The following PLIN3 variants were observed in gnomAD, a reference collection of about 807,000 sequenced individuals.
PLIN3 encodes the protein perilipin-3.
A neutral mutation model predicts 35.9 loss-of-function variants in PLIN3; 30 were observed. That is an observed-to-expected ratio of 0.84 (90% CI 0.62 to 1.13). The LOEUF (loss-of-function observed/expected upper bound fraction) is 1.13. PLIN3 is among the 50% of genes most tolerant of loss of function. The pLI, the probability that PLIN3 is intolerant of heterozygous loss-of-function variation, is 0.00. For synonymous variants in PLIN3, 261 were observed against 262.5 expected (o/e 0.99, Z 0.06); for missense variants, 603 against 596.9 (o/e 1.01, Z -0.11).
chr19:4,865,438 G>A (rs2030815173), intron 1 of PLIN3, among the ~76,000 whole-genome samples: 1 of 149,132 alleles, frequency 6.7e-6, no homozygotes, highest in Non-Finnish European at 1.5e-5. Flanking sequence ...GCAGTGAGTC[G>A]AGATCGCACC....
intron 1 of PLIN3, among the ~76,000 whole-genome samples, chr19:4,861,651 C>A (rs1351381420): frequency 6.7e-6 from 1 of 149,256 alleles, no homozygotes; most frequent in East Asian, 2.0e-4. Flanking sequence ...TCTTTATTTT[C>A]TTTGGAGACA....
At chr19:4,841,590 C>G (rs1599156360) in intron 7 of PLIN3, among the ~76,000 whole-genome samples, 1 of 142,054 alleles carries the variant, frequency 7.0e-6, no homozygotes, top group South Asian at 2.2e-4. Context: ...CAAATGAGAT[C>G]TCAATAAAAC....
intron 5 of PLIN3, among the ~76,000 whole-genome samples, chr19:4,849,935 G>A (rs190914786): frequency 1.3e-5 from 2 of 151,572 alleles, no homozygotes; most frequent in Middle Eastern, 3.4e-3. Context: ...ACAGGCATGA[G>A]TCACCACACC....
chr19:4,864,459 T>C (rs1278955629), intron 1 of PLIN3, among the ~76,000 whole-genome samples: 1 of 141,802 alleles, frequency 7.1e-6, no homozygotes, highest in Non-Finnish European at 1.6e-5. Flanking sequence ...TGGTTTGTTT[T>C]TTTTTTTGTT....
intron 1 of PLIN3, among the ~76,000 whole-genome samples, chr19:4,861,717 C>A (rs1253485391): frequency 6.6e-6 from 1 of 151,880 alleles, no homozygotes; most frequent in African/African-American, 2.4e-5. Flanking sequence ...CTCACTGCAA[C>A]CTCCGCCTCC....
chr19:4,852,342 AT>A lies in PLIN3; in HGVS notation c.349-42del, dbSNP rs200951170. 6,155 of 1,579,314 alleles carry A rather than the reference AT, an allele frequency of 3.9e-3. 89 individuals carry two copies. Among genetic ancestry groups the A allele is most frequent in the South Asian group, 0.03 (2,670 of 88,774 alleles). On this transcript the variant is annotated intron_variant, in intron 4 of 7. Transcript: ENST00000221957. ...GCATCAGCATCTCTGCCTTCCCTCCATATCTGGGCACCCCTCCCCTGCACCC... is the reference window on the plus strand; with the variant it reads ...GCATCAGCATCTCTGCCTTCCCTCCAATCTGGGCACCCCTCCCCTGCACCC...
chr19:4,840,734 C>T (rs979846355), intron 7 of PLIN3, among the ~76,000 whole-genome samples: 2 of 152,076 alleles, frequency 1.3e-5, no homozygotes, highest in African/African-American at 2.4e-5. Context: ...CGTGGATCAC[C>T]GAGGTCAGGA....
At chr19:4,843,448 T>C (rs1568372921) in intron 7 of PLIN3, among the ~76,000 whole-genome samples, 3 of 148,998 alleles carry the variant, frequency 2.0e-5, no homozygotes, top group African/African-American at 2.5e-5. Context: ...GCAGAGCTGG[T>C]AGTGAGCTGA....
At chr19:4,848,684 T>C (rs570698676) in intron 5 of PLIN3, among the ~76,000 whole-genome samples, 1 of 152,152 alleles carries the variant, frequency 6.6e-6, no homozygotes, top group African/African-American at 2.4e-5. Context: ...CTGGCCAACA[T>C]GGCACTACCC....
At position 4,861,385 on chromosome 19, in the gene PLIN3, C is replaced by A. The variant is rs138047940; in HGVS notation, c.10G>T (p.Asp4Tyr). The change falls in exon 2 of 8, where the codon GAC (aspartate) becomes TAC (tyrosine). Residue 4 changes from aspartate (D) to tyrosine (Y), a missense_variant. Asp to Tyr is a radical substitution (Grantham distance 160). Transcript: ENST00000221957. ...GTGCTGCCATCAGCCTCTGCCCCGT[C>A]GGCAGACATGGTCTCTGCAGCAGAC... MSA[D>Y]GAEADGSTQV... is the part of the protein sequence containing the mutation. The A allele has an allele frequency of 1.2e-6, 2 of 1,612,910 alleles. No homozygotes were observed. Among genetic ancestry groups the A allele is most frequent in the East Asian group, 4.5e-5 (2 of 44,866 alleles).
At chr19:4,851,126 T>C (rs999535502) in intron 5 of PLIN3, among the ~76,000 whole-genome samples, 2 of 152,090 alleles carry the variant, frequency 1.3e-5, no homozygotes, top group East Asian at 1.9e-4. Flanking sequence ...ATCGCACCAC[T>C]GCACTTCAGC....
rs1160094375 is a variant in PLIN3 at position 4,851,952 on chromosome 19, G to A, written c.634+64C>T. 34 of 1,531,088 alleles carry A rather than the reference G, an allele frequency of 2.2e-5. 1 individual carries two copies. Among genetic ancestry groups the A allele is most frequent in the East Asian group, 2.1e-4 (9 of 42,722 alleles). 94.8% of individuals were successfully genotyped at this position (1,531,088 alleles called of 1,614,324 possible). A position where few individuals can be genotyped will look rare whatever the true frequency, so the allele number is the denominator to read the frequency against. On this transcript the variant is annotated intron_variant, in intron 5 of 7. Transcript: ENST00000221957. ...GTGTCGGCACAGACCCCAGGAGGCCGACAGCGGCTTCCGGTCAGGGGGCCT... is the reference window on the plus strand; with the variant it reads ...GTGTCGGCACAGACCCCAGGAGGCCAACAGCGGCTTCCGGTCAGGGGGCCT...
At chr19:4,851,683 T>C (rs1248009251) in intron 5 of PLIN3, among the ~76,000 whole-genome samples, 1 of 151,710 alleles carries the variant, frequency 6.6e-6, no homozygotes, top group Non-Finnish European at 1.5e-5. Flanking sequence ...GGGGAGGTTG[T>C]GCAGGACCTT....
At chr19:4,853,064 A>G (rs1369620303) in intron 4 of PLIN3, among the ~76,000 whole-genome samples, 1 of 151,898 alleles carries the variant, frequency 6.6e-6, no homozygotes, top group Non-Finnish European at 1.5e-5. Context: ...CGCCCACCTC[A>G]GCCTCCCAAA....
intron 5 of PLIN3, among the ~76,000 whole-genome samples, chr19:4,850,293 T>C (rs933714046): frequency 1.3e-5 from 2 of 151,668 alleles, no homozygotes; most frequent in African/African-American, 2.4e-5. Flanking sequence ...TTTTTTTTTT[T>C]TGAGATGGAG....
rs1411377894 is a variant in PLIN3 at position 4,838,903 on chromosome 19, G to GA, written c.*288dup. On this transcript the variant is annotated 3_prime_UTR_variant, in exon 8 of 8. Transcript: ENST00000221957. ...GCCTATATTCCTGATATTTAACAAG[G>GA]AAAAAAAATTCTGCAGGGGAGAACT... 12 of 266,778 alleles carry GA rather than the reference G, an allele frequency of 4.5e-5. No homozygotes were observed. The highest frequency in any genetic ancestry group is 5.6e-5 in the Non-Finnish European group (8 of 142,128). The allele number at this position is 266,778 out of a possible 1,614,324, so 16.5% of individuals were successfully genotyped here. A position where few individuals can be genotyped will look rare whatever the true frequency, so the allele number is the denominator to read the frequency against.
intron 4 of PLIN3, among the ~76,000 whole-genome samples, chr19:4,856,206 G>A (rs753684077): frequency 3.9e-5 from 6 of 152,096 alleles, no homozygotes; most frequent in Non-Finnish European, 7.3e-5. Flanking sequence ...GGTGGTACCC[G>A]AGGGTGGCCC....
chr19:4,844,920 GGGA>G lies in PLIN3; in HGVS notation c.835-130_835-128del. ...AGTCTAGAAAAGAGAAAGGGAGGGA[GGGA>G]GGAAGGGTTTCCTGGCTACGGTGAG... On this transcript the variant is annotated intron_variant, in intron 6 of 7. Coordinates refer to ENST00000221957, the MANE Select transcript of PLIN3 (RefSeq NM_005817.5). 3 of 1,114,454 alleles carry G rather than the reference GGGA, an allele frequency of 2.7e-6. 1 individual carries two copies. In the East Asian group the frequency reaches 7.9e-5, roughly 29 times the overall value. 69.0% of individuals were successfully genotyped at this position (1,114,454 alleles called of 1,614,324 possible). A position where few individuals can be genotyped will look rare whatever the true frequency, so the allele number is the denominator to read the frequency against.
chr19:4,855,249 GAA>G (rs377681525), intron 4 of PLIN3, among the ~76,000 whole-genome samples: 9 of 36,402 alleles, frequency 2.5e-4, no homozygotes, highest in African/African-American at 8.6e-4. Flanking sequence ...GACTCCATCT[GAA>G]AAAAAAAAAA....
Sources: gnomAD v4.1 joint callset for allele counts (sites outside exome capture counted in the v4.1 genomes callset) on GRCh38, gnomAD v4.1.1 for gene constraint, MANE v1.5 for transcripts, NCBI Gene and HGNC (gene_info 2026-07-23, HGNC 2026-07-21) for gene names.